The following APOL2 variants were observed in gnomAD, a reference collection of about 807,000 sequenced individuals.
APOL2 encodes the protein apolipoprotein L, 2.
Under a neutral mutation model 7.1 loss-of-function variants are expected in APOL2, and 8 were observed. That is an observed-to-expected ratio of 1.12 (90% CI 0.66 to 2.03). The LOEUF is 2.03. Ranked by LOEUF, APOL2 falls within the 30% of genes most tolerant of loss-of-function variation. APOL2 has a pLI of 0.00. For synonymous variants in APOL2, 177 were observed against 159.9 expected (o/e 1.11, Z -0.81); for missense variants, 471 against 415.1 (o/e 1.13, Z -1.17).
At position 36,226,754 on chromosome 22, in the gene APOL2, G is replaced by T; in HGVS notation, c.*650C>A. 6.4e-6 allele frequency: 1 copy of T among 155,830 alleles called. No homozygotes were observed. Among genetic ancestry groups the T allele is most frequent in the South Asian group, 1.9e-4 (1 of 5,278 alleles). The allele number at this position is 155,830 out of a possible 1,614,324, so 9.7% of individuals were successfully genotyped here. A position where few individuals can be genotyped will look rare whatever the true frequency, so the allele number is the denominator to read the frequency against. On this transcript the variant is annotated 3_prime_UTR_variant, in exon 5 of 5. Coordinates refer to ENST00000358502, the MANE Select transcript of APOL2 (RefSeq NM_030882.4). ...TCCATTTTCAGCTCTTTCTTTTCCT[G>T]GCCTTCTCATTGCTGGTTCCTGCAA...
In APOL2 at chr22:36,239,056, G is replaced by A. The variant is rs559895319; in HGVS notation, c.-134+385C>T. On this transcript the variant is annotated intron_variant, in intron 1 of 4. Coordinates refer to ENST00000358502, the MANE Select transcript of APOL2 (RefSeq NM_030882.4). ...TGTGGCCCGGCCACAAGGACATGCC[G>A]GGCTCCAGGTCACCTCCCCTCCTCC... is the stretch of plus-strand genomic sequence containing the variant. 44 of 1,028,776 alleles carry A rather than the reference G, an allele frequency of 4.3e-5. No individual in the cohort carries two copies. In the East Asian group the frequency reaches 5.3e-4, roughly 12 times the overall value. 63.7% of individuals were successfully genotyped at this position (1,028,776 alleles called of 1,614,324 possible).
rs1603479836 is a variant in APOL2 at position 36,227,061 on chromosome 22, A to T, written c.*343T>A. 1 of 208,294 alleles carries T rather than the reference A, an allele frequency of 4.8e-6. No individual in the cohort carries two copies. The highest frequency in any genetic ancestry group is 2.3e-5 in the African/African-American group (1 of 42,830). The allele number at this position is 208,294 out of a possible 1,614,324, so 12.9% of individuals were successfully genotyped here. A position where few individuals can be genotyped will look rare whatever the true frequency, so the allele number is the denominator to read the frequency against. ...CCAGGCGCGGTGGCTCACGCCTGTA[A>T]TCCCAGCACTTTGGGAGGCCGAGGT... On this transcript the variant is annotated 3_prime_UTR_variant, in exon 5 of 5. Coordinates refer to ENST00000358502, the MANE Select transcript of APOL2 (RefSeq NM_030882.4).
rs1470956319 is a variant in APOL2, at chr22:36,227,249, G to C, written c.*155C>G. On this transcript the variant is annotated 3_prime_UTR_variant, in exon 5 of 5. Coordinates refer to ENST00000358502, the MANE Select transcript of APOL2 (RefSeq NM_030882.4). Reference sequence around the variant, plus strand: ...GAGAATGGTGTGAACCCGGGAGGCGGAGTTTGCAGTGAGCCGAGATTGAGC... The same window carrying C: ...GAGAATGGTGTGAACCCGGGAGGCGCAGTTTGCAGTGAGCCGAGATTGAGC... The C allele has an allele frequency of 2.2e-6, 2 of 899,710 alleles. No homozygotes were observed. The highest frequency in any genetic ancestry group is 3.4e-5 in the African/African-American group (2 of 58,752). 55.7% of individuals were successfully genotyped at this position (899,710 alleles called of 1,614,324 possible).
chr22:36,230,276 A>G (rs554726536), intron 4 of APOL2, among the ~76,000 whole-genome samples: 2 of 152,030 alleles, frequency 1.3e-5, no homozygotes, highest in African/African-American at 2.4e-5. Context: ...CATGGTAAGG[A>G]GCTTCTCTGT....
At chr22:36,232,663 T>C (rs1201665595) in intron 3 of APOL2, among the ~76,000 whole-genome samples, 2 of 152,042 alleles carry the variant, frequency 1.3e-5, no homozygotes, top group Admixed American at 1.3e-4. Context: ...GGGTCAAGCA[T>C]GATACATTCC....
chr22:36,228,019 G>A lies in APOL2; in HGVS notation c.399C>T (p.Leu133=), dbSNP rs746721150. Residue 133 remains leucine (L), a synonymous_variant, in exon 5 of 5, where the codon CTC becomes CTT. Coordinates refer to ENST00000358502, the MANE Select transcript of APOL2 (RefSeq NM_030882.4). ...CTGTGAAGGGTGCCAGACCCAGGCC[G>A]AGGAGGGTCAGGATGCCAGAGGTAG... is the stretch of plus-strand genomic sequence containing the variant. The part of the protein sequence containing the change: ...VGTTSGILTL[L]GLGLAPFTEG... 11 of 1,614,124 alleles carry A rather than the reference G, an allele frequency of 6.8e-6. No individual in the cohort carries two copies. Among genetic ancestry groups the A allele is most frequent in the South Asian group, 5.5e-5 (5 of 91,092 alleles).
intron 1 of APOL2, among the ~76,000 whole-genome samples, chr22:36,237,658 C>T (rs926955693): frequency 3.9e-5 from 6 of 152,130 alleles, no homozygotes; most frequent in Admixed American, 6.5e-5. Context: ...GTGATTCTCC[C>T]GCCTCTGCCT....
chr22:36,235,752 G>GTGTGTGTGT lies in APOL2; in HGVS notation c.-133-2298_-133-2297insACACACACA, dbSNP rs1569532873. Among the ~76,000 whole-genome samples the GTGTGTGTGT allele has an allele frequency of 1.1e-3, 123 of 111,560 alleles. 1 individual carries two copies. The highest frequency in any genetic ancestry group is 2.3e-3 in the South Asian group (8 of 3,432). 73.2% of individuals were successfully genotyped at this position (111,560 alleles called of 152,430 possible). A position where few individuals can be genotyped will look rare whatever the true frequency, so the allele number is the denominator to read the frequency against. ...CACCGGGAGGAAGAAAGGGTGGGTG[G>GTGTGTGTGT]GTGGGTGTGTGTGTGTGTGTGTGTG... On this transcript the variant is annotated intron_variant, in intron 1 of 4. Transcript: ENST00000358502.
chr22:36,237,145 T>A lies in APOL2; in HGVS notation c.-134+2296A>T, dbSNP rs186079261. On this transcript the variant is annotated intron_variant, in intron 1 of 4. Transcript: ENST00000358502. ...CTGGCTCCCACCTTTGTCTGGAGCCTCTGCTGGGGGTTGAGGCTGGATACT... is the reference window on the plus strand; with the variant it reads ...CTGGCTCCCACCTTTGTCTGGAGCCACTGCTGGGGGTTGAGGCTGGATACT... The A allele has an allele frequency of 8.9e-5, 136 of 1,526,400 alleles. 1 individual carries two copies. In the East Asian group the frequency reaches 3.5e-3, roughly 39 times the overall value. 94.6% of individuals were successfully genotyped at this position (1,526,400 alleles called of 1,614,324 possible).
intron 1 of APOL2, 100 bp downstream of exon 1, chr22:36,239,341 A>C: frequency 7.3e-7 from 1 of 1,374,448 alleles, no homozygotes; most frequent in Non-Finnish European, 9.7e-7. Context: ...CCAGCTACCT[A>C]ACCTCTCTGA....
intron 4 of APOL2, among the ~76,000 whole-genome samples, chr22:36,229,371 C>T (rs372840190): frequency 6.9e-6 from 1 of 144,024 alleles, no homozygotes; most frequent in African/African-American, 2.6e-5. Context: ...CCTGTAACAA[C>T]AATCCTGAAT....
intron 3 of APOL2, among the ~76,000 whole-genome samples, chr22:36,231,690 A>G (rs2015231582): frequency 6.6e-6 from 1 of 152,224 alleles, no homozygotes; most frequent in Non-Finnish European, 1.5e-5. Flanking sequence ...TAAGGAAGCA[A>G]TTAAGACTGA....
chr22:36,236,473 TAGAG>T (rs1207503646), intron 1 of APOL2: 27 of 789,772 alleles, frequency 3.4e-5, no homozygotes, highest in Admixed American at 6.2e-5. Flanking sequence ...AGAGGAGAGA[TAGAG>T]GGAGTGTACA....
chr22:36,227,865 C>T lies in APOL2; in HGVS notation c.553G>A (p.Asp185Asn). 2 of 1,614,184 alleles carry T rather than the reference C, an allele frequency of 1.2e-6. No homozygotes were observed. The highest frequency in any genetic ancestry group is 1.7e-6 in the Non-Finnish European group (2 of 1,180,036). ...LRARAQARNL[D>N]QSGTNVAKVM... ...TTTGCTACATTGGTGCCGCTTTGGTCCAAGTTGCGGGCTTGGGCTCGTGCC... is the reference window on the plus strand; with the variant it reads ...TTTGCTACATTGGTGCCGCTTTGGTTCAAGTTGCGGGCTTGGGCTCGTGCC... The change falls in exon 5 of 5, where the codon GAC becomes AAC. Residue 185 changes from aspartate (D) to asparagine (N), a missense_variant. Transcript: ENST00000358502.
In APOL2 at chr22:36,227,494, C is replaced by T; in HGVS notation, c.924G>A (p.Glu308=). 1 of 1,614,164 alleles carries T rather than the reference C, an allele frequency of 6.2e-7. No homozygotes were observed. The highest frequency in any genetic ancestry group is 8.5e-7 in the Non-Finnish European group (1 of 1,180,018). Residue 308 remains glutamate, a synonymous_variant, in exon 5 of 5, where the codon GAG becomes GAA. Transcript: ENST00000358502. ...LLEGAKSESA[E]ELKKRAQELE... ...GCTCCTGAGCCCGCTTCTTCAGCTCCTCAGCTGACTCTGACTTTGCCCCCT... is the reference window on the plus strand; with the variant it reads ...GCTCCTGAGCCCGCTTCTTCAGCTCTTCAGCTGACTCTGACTTTGCCCCCT...
In APOL2 at chr22:36,229,188, G is replaced by A. The variant is rs142649414; in HGVS notation, c.138-908C>T. Among the ~76,000 whole-genome samples, 549 of 152,294 alleles carry A rather than the reference G, an allele frequency of 3.6e-3. 4 individuals are homozygous for A. The highest frequency in any genetic ancestry group is 9.2e-3 in the Admixed American group (141 of 15,300). Reference sequence around the variant, plus strand: ...ATCATGCTCCTCACCCCCACCACTGGTGGTTGAGGGTCTGACCTGCCTTTG... The same window carrying A: ...ATCATGCTCCTCACCCCCACCACTGATGGTTGAGGGTCTGACCTGCCTTTG... On this transcript the variant is annotated intron_variant, in intron 4 of 4. Transcript: ENST00000358502.
chr22:36,232,329 C>T (rs2146974841), intron 3 of APOL2, among the ~76,000 whole-genome samples: 1 of 152,348 alleles, frequency 6.6e-6, no homozygotes, highest in Non-Finnish European at 1.5e-5. Context: ...GAGGCCCTGC[C>T]TGAGGCAGTC....
At chr22:36,233,929 C>T (rs756919772) in intron 1 of APOL2, among the ~76,000 whole-genome samples, 1 of 152,190 alleles carries the variant, frequency 6.6e-6, no homozygotes, top group Non-Finnish European at 1.5e-5. Flanking sequence ...CTCACTGGTG[C>T]TGCAGTGGAC....
intron 3 of APOL2, 68 bp downstream of exon 3, chr22:36,233,085 C>T: frequency 1.4e-6 from 2 of 1,473,806 alleles, no homozygotes; most frequent in South Asian, 1.1e-5. Context: ...GCTCACTCAG[C>T]TGTGGAGGTG....
Sources: gnomAD v4.1 joint callset for allele counts (sites outside exome capture counted in the v4.1 genomes callset) on GRCh38, gnomAD v4.1.1 for gene constraint, MANE v1.5 for transcripts, NCBI Gene and HGNC (gene_info 2026-07-23, HGNC 2026-07-21) for gene names.